SEPTIN9: variants seen among roughly 807,000 people sequenced by gnomAD.
SEPTIN9 encodes the protein septin 9, also known as septin-9.
SEPTIN9 carries 13 observed loss-of-function variants against 56.6 expected under a neutral mutation model. The observed-to-expected ratio is 0.23, with a 90% CI of 0.15 to 0.37. SEPTIN9 has a LOEUF of 0.37. SEPTIN9 is among the 10% of genes least tolerant of loss of function. The pLI is 1.00. For missense variants in SEPTIN9, 650 were observed against 823.1 expected, an observed-to-expected ratio of 0.79 and a Z score of 2.57; for synonymous variants, 332 against 334.1, an observed-to-expected ratio of 0.99 and a Z score of 0.07.
intron 3 of SEPTIN9, among the ~76,000 whole-genome samples, chr17:77,423,951 G>A (rs976616783): frequency 2.2e-5 from 2 of 90,868 alleles, no homozygotes; most frequent in African/African-American, 1.0e-4. Context: ...GGCCAGCAGG[G>A]AACACTCTGC....
intron 2 of SEPTIN9, among the ~76,000 whole-genome samples, chr17:77,325,222 A>G (rs1478558610): frequency 6.6e-6 from 1 of 152,220 alleles, no homozygotes; most frequent in African/African-American, 2.4e-5. Context: ...TGCCAAATGC[A>G]ACGTCAGGAA....
chr17:77,463,270 A>G lies in SEPTIN9; in HGVS notation c.722-18874A>G, dbSNP rs567863278. ...CACTGTATCTTGGAGTGTGCGTTCC[A>G]AGCCCTGTTGCCTTCAACTGATCGG... On this transcript the variant is annotated intron_variant, in intron 3 of 11. Transcript: ENST00000427177. 1.7e-4 allele frequency among the ~76,000 whole-genome samples: 26 copies of G among 152,250 alleles called. No individual in the cohort carries two copies. The South Asian group carries it at 3.9e-3, about 23-fold the overall frequency.
chr17:77,358,555 C>T (rs2034324759), intron 2 of SEPTIN9, among the ~76,000 whole-genome samples: 2 of 152,152 alleles, frequency 1.3e-5, no homozygotes, highest in Non-Finnish European at 2.9e-5. Context: ...ACGAGAATCA[C>T]TTAAACCTGG....
intron 11 of SEPTIN9, among the ~76,000 whole-genome samples, chr17:77,497,899 T>A (rs1362983592): frequency 2.8e-5 from 4 of 140,400 alleles, no homozygotes; most frequent in Non-Finnish European, 6.1e-5. Flanking sequence ...ATGATGGGAA[T>A]GTTATCAAGA....
rs1475200093 is a variant in SEPTIN9, at chr17:77,433,047, C to A, written c.721+30344C>A. ...CTCCTGCCCCTCCCCTCCCGCTGTG[C>A]TCTCAGCTGCTCCGACAGGATGCTT... On this transcript the variant is annotated intron_variant, in intron 3 of 11. Coordinates refer to ENST00000427177, the MANE Select transcript of SEPTIN9 (RefSeq NM_001113491.2). This position sits in a 1 kb window ranked among gnomAD's most constrained non-coding sequence, Gnocchi z 6.4. Among the ~76,000 whole-genome samples the A allele has an allele frequency of 6.6e-6, 1 of 152,232 alleles. No individual in the cohort carries two copies.
rs1010280039 is a variant in SEPTIN9 at position 77,330,288 on chromosome 17, C to T, written c.76+23091C>T. Among the ~76,000 whole-genome samples, 8 of 152,332 alleles carry T rather than the reference C, an allele frequency of 5.3e-5. No individual in the cohort carries two copies. Among genetic ancestry groups the T allele is most frequent in the Admixed American group, 1.3e-4 (2 of 15,302 alleles). On this transcript the variant is annotated intron_variant, in intron 2 of 11. Transcript: ENST00000427177. This position sits in a 1 kb window ranked among gnomAD's most constrained non-coding sequence, Gnocchi z 4.4. ...CGGGCCCCCACCTCACATTGTGGAG[C>T]TGGTGTAGGAAGGAAGGTGCCGGGA...
At chr17:77,349,950 G>C (rs905409152) in intron 2 of SEPTIN9, among the ~76,000 whole-genome samples, 6 of 152,178 alleles carry the variant, frequency 3.9e-5, no homozygotes, top group East Asian at 1.9e-4. Flanking sequence ...AAACCTACAG[G>C]CTCAACCTTC....
At chr17:77,373,550 A>G in intron 2 of SEPTIN9, 3 of 1,545,854 alleles carry the variant, frequency 1.9e-6, no homozygotes, top group Non-Finnish European at 1.7e-6. Context: ...TCGGACTTCG[A>G]AGGTGGGTGC....
At chr17:77,380,725 C>A (rs561575995) in intron 2 of SEPTIN9, among the ~76,000 whole-genome samples, 4 of 152,178 alleles carry the variant, frequency 2.6e-5, no homozygotes, top group Admixed American at 2.6e-4. Context: ...GAGGGGTCAT[C>A]TGAGTGTAGG....
At chr17:77,412,374 T>C (rs2036335338) in intron 3 of SEPTIN9, among the ~76,000 whole-genome samples, 1 of 152,194 alleles carries the variant, frequency 6.6e-6, no homozygotes, top group Non-Finnish European at 1.5e-5. Flanking sequence ...TCGTATGTTA[T>C]AGGCCAGGGC....
chr17:77,461,729 A>T (rs562622518), intron 3 of SEPTIN9, among the ~76,000 whole-genome samples: 2 of 152,352 alleles, frequency 1.3e-5, no homozygotes, highest in African/African-American at 4.8e-5. Context: ...GTGTTTAGAT[A>T]AAGAGATTTA....
At position 77,498,918 on chromosome 17, in the gene SEPTIN9, C is replaced by T. The variant is rs28364840; in HGVS notation, c.*260C>T. ...GAGCACCCACTGAATTGACATGACC[C>T]TCTGTCCCCAGGCCTGGCTCCCCGA... is the stretch of plus-strand genomic sequence containing the variant. On this transcript the variant is annotated 3_prime_UTR_variant, in exon 12 of 12. Transcript: ENST00000427177. 5,210 of 575,858 alleles carry T rather than the reference C, an allele frequency of 9.0e-3. 161 individuals carry two copies. The East Asian group carries it at 0.096, about 11-fold the overall frequency. 35.7% of individuals were successfully genotyped at this position (575,858 alleles called of 1,614,324 possible). A position where few individuals can be genotyped will look rare whatever the true frequency, so the allele number is the denominator to read the frequency against.
intron 1 of SEPTIN9, among the ~76,000 whole-genome samples, chr17:77,297,452 C>G (rs2031867657): frequency 6.6e-6 from 1 of 152,234 alleles, no homozygotes; most frequent in Non-Finnish European, 1.5e-5. Context: ...CAGAAACACC[C>G]TCACAGACAC....
Position 77,437,071 on chromosome 17 carries a change from C to T in SEPTIN9, c.721+34368C>T, listed in dbSNP as rs1184695283. 6.6e-6 allele frequency among the ~76,000 whole-genome samples: 1 copy of T among 152,174 alleles called. No homozygotes were observed. Among genetic ancestry groups the T allele is most frequent in the Admixed American group, 6.5e-5 (1 of 15,286 alleles). On this transcript the variant is annotated intron_variant, in intron 3 of 11. Transcript: ENST00000427177. The surrounding 1 kb of genome is among the most constrained non-coding windows in gnomAD (Gnocchi z 5.3). ...CTGGGGTCACACAGCCTAGCCAGGCCCAGGGCGCCGACCTCCTGCTCTGCC... is the reference window on the plus strand; with the variant it reads ...CTGGGGTCACACAGCCTAGCCAGGCTCAGGGCGCCGACCTCCTGCTCTGCC...
At position 77,335,667 on chromosome 17, in the gene SEPTIN9, C is replaced by T. The variant is rs1199005978; in HGVS notation, c.76+28470C>T. Reference sequence around the variant, plus strand: ...GTATATGTACATATATACATGTAGGCCCTATGTTGACTGTATATGTGGTCC... The same window carrying T: ...GTATATGTACATATATACATGTAGGTCCTATGTTGACTGTATATGTGGTCC... On this transcript the variant is annotated intron_variant, in intron 2 of 11. Transcript: ENST00000427177. Among the ~76,000 whole-genome samples the T allele has an allele frequency of 2.5e-3, 287 of 114,032 alleles. No individual in the cohort carries two copies. In the Middle Eastern group the frequency reaches 0.049, roughly 20 times the overall value. The allele number at this position is 114,032 out of a possible 152,430, so 74.8% of individuals were successfully genotyped here.
chr17:77,325,862 C>T (rs552863921), intron 2 of SEPTIN9, among the ~76,000 whole-genome samples: 5 of 152,270 alleles, frequency 3.3e-5, no homozygotes, highest in Non-Finnish European at 5.9e-5. Flanking sequence ...GCCTCAAACC[C>T]CTCCCACCCA....
chr17:77,384,636 C>T (rs537119173), intron 2 of SEPTIN9, among the ~76,000 whole-genome samples: 1 of 151,860 alleles, frequency 6.6e-6, no homozygotes, highest in Non-Finnish European at 1.5e-5. Flanking sequence ...CCAGAACCAC[C>T]AAGAGTTGGG....
intron 1 of SEPTIN9, among the ~76,000 whole-genome samples, chr17:77,300,286 C>T (rs1035166182): frequency 2.0e-5 from 3 of 152,136 alleles, no homozygotes; most frequent in African/African-American, 7.2e-5. Flanking sequence ...TGTTTATTCT[C>T]CTGTAGGAGC....
At chr17:77,343,382 G>A (rs973506236) in intron 2 of SEPTIN9, among the ~76,000 whole-genome samples, 3 of 152,192 alleles carry the variant, frequency 2.0e-5, no homozygotes, top group Admixed American at 6.5e-5. Context: ...TGCAGGTGCT[G>A]GGAGGGCAGT....
Sources: gnomAD v4.1 joint callset for allele counts (sites outside exome capture counted in the v4.1 genomes callset) on GRCh38, gnomAD v4.1.1 for gene constraint, Gnocchi (gnomAD v3.1) non-coding constraint, MANE v1.5 for transcripts, NCBI Gene and HGNC (gene_info 2026-07-23, HGNC 2026-07-21) for gene names.